Variants in ATG5 observed in about 807,000 individuals in gnomAD.
ATG5 encodes autophagy related 5.
Under a neutral mutation model 36.5 loss-of-function variants are expected in ATG5, and 14 were observed. The observed-to-expected ratio is 0.38, with a 90% CI of 0.25 to 0.60. ATG5 has a LOEUF of 0.60. Among genes scored for constraint, ATG5 ranks in the 20% least tolerant of loss-of-function variants. The pLI, the probability that ATG5 is intolerant of heterozygous loss-of-function variation, is 0.60. For missense variants in ATG5, 195 were observed against 326.7 expected (o/e 0.60, Z 3.11); for synonymous variants, 95 against 101.5 (o/e 0.94, Z 0.38).
At chr6:106,269,187 TAC>T (rs1378678911) in intron 5 of ATG5, among the ~76,000 whole-genome samples, 1 of 152,142 alleles carries the variant, frequency 6.6e-6, no homozygotes, top group Admixed American at 6.5e-5. Flanking sequence ...AGTAGCTAGT[TAC>T]AGAGTGTCGA....
At chr6:106,213,995 T>C (rs998306542) in intron 6 of ATG5, among the ~76,000 whole-genome samples, 10 of 152,132 alleles carry the variant, frequency 6.6e-5, no homozygotes, top group Admixed American at 2.6e-4. Context: ...TCAGTTTCCT[T>C]TGAAGTCTTG....
intron 6 of ATG5, among the ~76,000 whole-genome samples, chr6:106,225,579 A>G (rs1777422997): frequency 6.6e-6 from 1 of 152,196 alleles, no homozygotes; most frequent in South Asian, 2.1e-4. Context: ...AAGTGGTGAT[A>G]TCATCAGTAA....
chr6:106,250,055 CTT>C (rs147750476), intron 5 of ATG5, among the ~76,000 whole-genome samples: 1 of 150,924 alleles, frequency 6.6e-6, no homozygotes, highest in South Asian at 2.1e-4. Flanking sequence ...TAAGCAACTC[CTT>C]TTTTTTTAAC....
At chr6:106,221,960 T>C (rs2114430764) in intron 6 of ATG5, among the ~76,000 whole-genome samples, 1 of 152,210 alleles carries the variant, frequency 6.6e-6, no homozygotes, top group Non-Finnish European at 1.5e-5. Context: ...GGTGCAATCA[T>C]GGCTTACTGC....
Position 106,312,553 on chromosome 6 carries a change from A to C in ATG5, c.108+3548T>G, listed in dbSNP as rs117838114. Among the ~76,000 whole-genome samples, 468 of 152,192 alleles carry C rather than the reference A, an allele frequency of 3.1e-3. 1 individual carries two copies. The highest frequency in any genetic ancestry group is 3.8e-3 in the Non-Finnish European group (259 of 68,008). ...GGGGGTAAAAAGTGAAGTGAAAAAA[A>C]AGAAAGCAGAGCCCTAAGAAATACC... On this transcript the variant is annotated intron_variant, in intron 2 of 7. Transcript: ENST00000369076.
At chr6:106,295,900 C>T (rs1392973557) in intron 3 of ATG5, among the ~76,000 whole-genome samples, 1 of 152,076 alleles carries the variant, frequency 6.6e-6, no homozygotes, top group Non-Finnish European at 1.5e-5. Context: ...GATCAGAATA[C>T]AAGTTAAACA....
At chr6:106,280,452 T>G (rs1779836623) in intron 4 of ATG5, among the ~76,000 whole-genome samples, 1 of 152,102 alleles carries the variant, frequency 6.6e-6, no homozygotes, top group African/African-American at 2.4e-5. Context: ...TCACTTTGAC[T>G]AGGTTAAGCT....
At chr6:106,252,794 T>C (rs1445592968) in intron 5 of ATG5, among the ~76,000 whole-genome samples, 1 of 152,194 alleles carries the variant, frequency 6.6e-6, no homozygotes, top group Admixed American at 6.5e-5. Flanking sequence ...GCATACACTA[T>C]TCACCTCCTG....
At chr6:106,238,473 C>G (rs1267179727) in intron 6 of ATG5, among the ~76,000 whole-genome samples, 6 of 152,200 alleles carry the variant, frequency 3.9e-5, no homozygotes, top group African/African-American at 1.4e-4. Flanking sequence ...CCTCTCTCCC[C>G]TTTCCTCCAA....
intron 4 of ATG5, among the ~76,000 whole-genome samples, chr6:106,282,671 T>A (rs1304890044): frequency 6.6e-6 from 1 of 152,226 alleles, no homozygotes; most frequent in Non-Finnish European, 1.5e-5. Flanking sequence ...TTAAGTAAAT[T>A]CCCTTCTATT....
At chr6:106,247,815 A>C (rs2114512870) in intron 6 of ATG5, among the ~76,000 whole-genome samples, 1 of 152,248 alleles carries the variant, frequency 6.6e-6, no homozygotes, top group Admixed American at 6.5e-5. Context: ...GCTTTGATCA[A>C]CCTCTGCTGG....
chr6:106,320,934 G>C (rs1261230122), intron 1 of ATG5, among the ~76,000 whole-genome samples: 3 of 152,188 alleles, frequency 2.0e-5, no homozygotes, highest in East Asian at 3.9e-4. Flanking sequence ...AAAGTAATGA[G>C]TGCCTGACCT....
chr6:106,236,544 C>T (rs1449980268), intron 6 of ATG5, among the ~76,000 whole-genome samples: 1 of 152,112 alleles, frequency 6.6e-6, no homozygotes, highest in Non-Finnish European at 1.5e-5. Context: ...ATCTAGGGAA[C>T]GTGAAGTAGT....
At chr6:106,284,020 C>T (rs553198462) in intron 4 of ATG5, among the ~76,000 whole-genome samples, 1 of 152,260 alleles carries the variant, frequency 6.6e-6, no homozygotes, top group East Asian at 1.9e-4. Flanking sequence ...CTTTTCATGA[C>T]CAAATTATAC....
chr6:106,271,786 C>T (rs1779464197), intron 5 of ATG5: 1 of 144,806 alleles, frequency 6.9e-6, no homozygotes, highest in Non-Finnish European at 1.5e-5. Context: ...ACACAGAATG[C>T]TTTAAAAAAA....
intron 4 of ATG5, 72 bp downstream of exon 4, chr6:106,292,956 A>C: frequency 7.8e-7 from 1 of 1,279,078 alleles, no homozygotes; most frequent in Admixed American, 2.0e-5. Context: ...TTCACTTAAA[A>C]AGAAAATTCT....
At chr6:106,191,067 G>A (rs983767627) in intron 7 of ATG5, among the ~76,000 whole-genome samples, 17 of 152,138 alleles carry the variant, frequency 1.1e-4, no homozygotes, top group African/African-American at 4.1e-4. Context: ...AAATGAAGAT[G>A]CCTATATAGA....
chr6:106,307,534 C>CTTTTTTTTTTTTTTTTTTT (rs1562267881), intron 3 of ATG5, among the ~76,000 whole-genome samples: 1 of 139,026 alleles, frequency 7.2e-6, no homozygotes, highest in South Asian at 2.2e-4. Context: ...ATTTCAATAC[C>CTTTTTTTTTTTTTTTTTTT]CTTTTTTTTT....
chr6:106,263,963 G>T (rs1298361952), intron 5 of ATG5, among the ~76,000 whole-genome samples: 1 of 151,456 alleles, frequency 6.6e-6, no homozygotes, highest in Non-Finnish European at 1.5e-5. Context: ...TTCCTCTCCA[G>T]CAAGGGCACA....
Sources: gnomAD v4.1 joint callset for allele counts (sites outside exome capture counted in the v4.1 genomes callset) on GRCh38, gnomAD v4.1.1 for gene constraint, MANE v1.5 for transcripts, NCBI Gene and HGNC (gene_info 2026-07-23, HGNC 2026-07-21) for gene names.